The following TXLNB variants were observed in gnomAD, a reference collection of about 807,000 sequenced individuals.
TXLNB encodes beta-taxilin.
In TXLNB, 37 loss-of-function variants were observed where a neutral mutation model predicts 57.4. The ratio of observed to expected loss-of-function variants is 0.64; its 90% confidence interval spans 0.50 to 0.85. The LOEUF (loss-of-function observed/expected upper bound fraction) is 0.85, where lower values mean the gene tolerates loss of function less well. TXLNB is among the 40% of genes least tolerant of loss of function. The pLI, the probability that TXLNB is intolerant of heterozygous loss-of-function variation, is 0.00. For missense variants in TXLNB, 848 were observed against 825.6 expected (o/e 1.03, Z -0.33); for synonymous variants, 302 against 309.6 (o/e 0.98, Z 0.26).
the TXLNB span, among the ~76,000 whole-genome samples, chr6:139,211,125 G>A: frequency 2.6e-5 from 4 of 152,336 alleles, no homozygotes; most frequent in African/African-American, 9.6e-5. Context: ...CAGCTTTGAA[G>A]AGAGTAGTGG....
Position 139,242,757 on chromosome 6 carries a change from T to C in TXLNB, c.1824A>G (p.Ala608=), listed in dbSNP as rs748019886. ...CCTGTGGGGCCTGACCGGAAGCTTC[T>C]GCCTCTGGCTTCCAGGACGCCTGAT... ...QADQASWKPE[A]EASGQAPQAP... is the part of the protein sequence containing the mutation. Residue 608 remains alanine, a synonymous_variant, in exon 10 of 10, where the codon GCA becomes GCG. Coordinates refer to ENST00000358430, the MANE Select transcript of TXLNB (RefSeq NM_153235.4). 4 of 1,614,120 alleles carry C rather than the reference T, an allele frequency of 2.5e-6. No individual in the cohort carries two copies. The South Asian group carries it at 3.3e-5, about 13-fold the overall frequency.
chr6:139,310,498 C>G, the TXLNB span, among the ~76,000 whole-genome samples: 20 of 152,302 alleles, frequency 1.3e-4, 1 homozygote, highest in East Asian at 3.7e-3. Flanking sequence ...ACAATAAAAC[C>G]TATTAGAAGT....
intron 2 of TXLNB, among the ~76,000 whole-genome samples, chr6:139,280,056 C>T (rs757787893): frequency 6.6e-6 from 1 of 152,042 alleles, no homozygotes; most frequent in Non-Finnish European, 1.5e-5. Context: ...AGATCGAGAC[C>T]ATCCTGGCCA....
downstream of TXLNB, among the ~76,000 whole-genome samples, chr6:139,238,792 C>T (rs1413394400): frequency 6.6e-6 from 1 of 152,184 alleles, no homozygotes; most frequent in Non-Finnish European, 1.5e-5. Context: ...GAATGAACTT[C>T]GGAGGCCAGA....
intron 8 of TXLNB, chr6:139,245,545 T>G (rs1776047291): frequency 6.6e-6 from 1 of 152,210 alleles, no homozygotes; most frequent in South Asian, 2.1e-4. Flanking sequence ...AGCTGGGCAC[T>G]CGCTGCTTGG....
chr6:139,193,836 A>T, the TXLNB span, among the ~76,000 whole-genome samples: 2 of 53,898 alleles, frequency 3.7e-5, no homozygotes, highest in African/African-American at 1.7e-4. Flanking sequence ...ATATATATAT[A>T]TATATTTTTT....
At chr6:139,164,361 A>G in the TXLNB span, among the ~76,000 whole-genome samples, 4 of 151,736 alleles carry the variant, frequency 2.6e-5, no homozygotes, top group African/African-American at 4.8e-5. Flanking sequence ...TGAAAGTGTT[A>G]TGAACATTGG....
chr6:139,283,887 A>G (rs563393357), intron 2 of TXLNB, among the ~76,000 whole-genome samples: 3 of 146,212 alleles, frequency 2.1e-5, no homozygotes, highest in East Asian at 4.0e-4. Context: ...ATCTAAGAAT[A>G]TATCTTCAGA....
At chr6:139,293,493 A>G (rs1777340688), upstream of TXLNB, among the ~76,000 whole-genome samples, 1 of 152,068 alleles carries the variant, frequency 6.6e-6, no homozygotes, top group African/African-American at 2.4e-5. Flanking sequence ...GAAGCTGGGA[A>G]AGGCAAGGAA....
intron 4 of TXLNB, among the ~76,000 whole-genome samples, chr6:139,269,584 A>G (rs1202848082): frequency 6.6e-6 from 1 of 152,100 alleles, no homozygotes; most frequent in Non-Finnish European, 1.5e-5. Flanking sequence ...ATTCTCTTCT[A>G]TTTTTCTTCC....
intron 2 of TXLNB, among the ~76,000 whole-genome samples, chr6:139,282,884 A>G (rs377254453): frequency 2.1e-5 from 3 of 145,196 alleles, no homozygotes; most frequent in African/African-American, 5.1e-5. Context: ...TTCCCTGTCT[A>G]TAAAATTAGT....
chr6:139,304,823 A>G, the TXLNB span, among the ~76,000 whole-genome samples: 5 of 152,222 alleles, frequency 3.3e-5, no homozygotes, highest in African/African-American at 1.2e-4. Flanking sequence ...GTATCAATCC[A>G]GAGGTATTTG....
chr6:139,232,879 T>G, the TXLNB span, among the ~76,000 whole-genome samples: 1 of 152,216 alleles, frequency 6.6e-6, no homozygotes, highest in Non-Finnish European at 1.5e-5. Context: ...TGAGCTGTGT[T>G]GAGTTTAAAT....
chr6:139,167,179 T>C, the TXLNB span: 14 of 1,614,156 alleles, frequency 8.7e-6, no homozygotes, highest in Non-Finnish European at 9.3e-6. Context: ...CCGCGCTCAG[T>C]GCCAGCCACA....
chr6:139,212,618 A>G, the TXLNB span, among the ~76,000 whole-genome samples: 3 of 152,238 alleles, frequency 2.0e-5, no homozygotes, highest in Admixed American at 6.5e-5. Flanking sequence ...GATCAAATTC[A>G]CACATAACAA....
At chr6:139,202,354 TTA>T in the TXLNB span, among the ~76,000 whole-genome samples, 76,926 of 151,896 alleles carry the variant, frequency 0.51, 20,453 homozygotes, top group Non-Finnish European at 0.58. Context: ...TTGGTCTCTT[TTA>T]TATTTTATTT....
chr6:139,192,702 T>C, the TXLNB span, among the ~76,000 whole-genome samples: 2 of 152,186 alleles, frequency 1.3e-5, no homozygotes, highest in South Asian at 4.2e-4. Context: ...CCCAGCACTT[T>C]CGGAGGCCGA....
At chr6:139,318,939 C>CTTTTTTTTT in the TXLNB span, among the ~76,000 whole-genome samples, 2 of 120,352 alleles carry the variant, frequency 1.7e-5, no homozygotes, top group Non-Finnish European at 3.4e-5. Context: ...GTCTTCCTTC[C>CTTTTTTTTT]TTTTTTTTTT....
chr6:139,228,378 T>G, the TXLNB span, among the ~76,000 whole-genome samples: 1 of 151,728 alleles, frequency 6.6e-6, no homozygotes, highest in East Asian at 1.9e-4. Context: ...TACAAAAAAT[T>G]AGCTGGGCAT....
Sources: gnomAD v4.1 joint callset for allele counts (sites outside exome capture counted in the v4.1 genomes callset) on GRCh38, gnomAD v4.1.1 for gene constraint, MANE v1.5 for transcripts, NCBI Gene and HGNC (gene_info 2026-07-23, HGNC 2026-07-21) for gene names.